The following AMBRA1 variants were observed in gnomAD, a reference collection of about 807,000 sequenced individuals.
AMBRA1 encodes the protein activating molecule in BECN1-regulated autophagy protein 1.
A neutral mutation model predicts 125.4 loss-of-function variants in AMBRA1; 47 were observed. That is an observed-to-expected ratio of 0.37 (90% CI 0.30 to 0.48). The LOEUF (loss-of-function observed/expected upper bound fraction) is 0.48, where lower values mean the gene tolerates loss of function less well. Ranked by LOEUF, AMBRA1 falls within the 20% of genes least tolerant of loss-of-function variation. AMBRA1 has a pLI of 0.99. For synonymous variants in AMBRA1, 626 were observed against 655.5 expected (o/e 0.95, Z 0.69); for missense variants, 1,331 against 1,693.4 (o/e 0.79, Z 3.76).
chr11:46,473,956 C>T (rs1489161242), intron 11 of AMBRA1, among the ~76,000 whole-genome samples: 3 of 152,170 alleles, frequency 2.0e-5, no homozygotes, highest in Non-Finnish European at 4.4e-5. Context: ...GGACAGGATC[C>T]TTTAAGGATT....
intron 11 of AMBRA1, among the ~76,000 whole-genome samples, chr11:46,472,109 A>G (rs1446347472): frequency 1.3e-5 from 2 of 152,246 alleles, no homozygotes; most frequent in East Asian, 3.8e-4. Flanking sequence ...CATTCAGCCT[A>G]TGAAAAGATT....
In AMBRA1 at chr11:46,473,422, C is replaced by T. The variant is rs144653135; in HGVS notation, c.2521+20186G>A. Among the ~76,000 whole-genome samples, 302 of 152,324 alleles carry T rather than the reference C, an allele frequency of 2.0e-3. 1 individual carries two copies. The highest frequency in any genetic ancestry group is 6.5e-3 in the African/African-American group (272 of 41,584). ...GAAAAGTAGAGAGGGTGATAACTTG[C>T]ATTTTTGTAACACATTTCTCTGATA... On this transcript the variant is annotated intron_variant, in intron 11 of 17. Coordinates refer to ENST00000683756, the MANE Select transcript of AMBRA1 (RefSeq NM_001387011.1).
intron 7 of AMBRA1, among the ~76,000 whole-genome samples, chr11:46,541,427 A>T (rs1250672507): frequency 6.6e-6 from 1 of 151,590 alleles, no homozygotes; most frequent in African/African-American, 2.4e-5. Context: ...ACATATATGT[A>T]TTTTTTTTTC....
chr11:46,485,583 T>A (rs969519691), intron 11 of AMBRA1, among the ~76,000 whole-genome samples: 3 of 152,168 alleles, frequency 2.0e-5, no homozygotes, highest in Non-Finnish European at 2.9e-5. Flanking sequence ...GAGGGCAGAA[T>A]CATTTAATTA....
intron 9 of AMBRA1, among the ~76,000 whole-genome samples, chr11:46,504,938 C>T (rs1267469351): frequency 6.6e-6 from 1 of 152,134 alleles, no homozygotes; most frequent in Non-Finnish European, 1.5e-5. Flanking sequence ...TAATGGCTCC[C>T]TTGGTTTTCT....
rs147493375 is a variant in AMBRA1, at chr11:46,523,697, G to A, written c.2073-10884C>T. The stretch of plus-strand genomic sequence containing the variant: ...CACAAACACCGCTTTACCCAGATGC[G>A]CTTTATTTAGAAAAATCAGAGACAA... On this transcript the variant is annotated intron_variant, in intron 7 of 17. Coordinates refer to ENST00000683756, the MANE Select transcript of AMBRA1 (RefSeq NM_001387011.1). Among the ~76,000 whole-genome samples the A allele has an allele frequency of 8.5e-5, 13 of 152,276 alleles. 1 individual carries two copies. Among genetic ancestry groups the A allele is most frequent in the African/African-American group, 2.9e-4 (12 of 41,546 alleles).
At chr11:46,585,695 A>ATAT (rs869244690) in intron 1 of AMBRA1, among the ~76,000 whole-genome samples, 2 of 22,914 alleles carry the variant, frequency 8.7e-5, no homozygotes, top group South Asian at 1.4e-3. Context: ...AAAAAAAAAA[A>ATAT]ATATATATAT....
chr11:46,516,423 C>CTTTTTTTTTT (rs1162985350), intron 7 of AMBRA1, among the ~76,000 whole-genome samples: 7 of 73,178 alleles, frequency 9.6e-5, no homozygotes, highest in Non-Finnish European at 1.6e-4. Flanking sequence ...AAAGATCTTT[C>CTTTTTTTTTT]TTTTTTTTTT....
At chr11:46,419,878 C>G (rs1321467736) in intron 14 of AMBRA1, among the ~76,000 whole-genome samples, 2 of 151,936 alleles carry the variant, frequency 1.3e-5, no homozygotes, top group Non-Finnish European at 2.9e-5. Flanking sequence ...TTATGCAAAC[C>G]AAGTGATAAG....
chr11:46,547,783 C>G, intron 3 of AMBRA1, 34 bp downstream of exon 3: 1 of 1,589,388 alleles, frequency 6.3e-7, no homozygotes, highest in Non-Finnish European at 8.6e-7. Context: ...GCACTGTTAT[C>G]ACAAATCTTA....
intron 17 of AMBRA1, among the ~76,000 whole-genome samples, chr11:46,407,089 G>A (rs1946058023): frequency 6.6e-6 from 1 of 152,156 alleles, no homozygotes; most frequent in Non-Finnish European, 1.5e-5. Context: ...TGAGGCAGGA[G>A]AATCACTTGA....
chr11:46,532,626 G>A (rs112915728), intron 7 of AMBRA1, among the ~76,000 whole-genome samples: 1,837 of 152,224 alleles, frequency 0.012, 43 homozygotes, highest in African/African-American at 0.042. Flanking sequence ...TAGCAGAGAT[G>A]GGGTTTCACC....
At position 46,411,765 on chromosome 11, in the gene AMBRA1, A is replaced by G. The variant is rs542160605; in HGVS notation, c.3117-1397T>C. ...ATTACAGGCATGAACCACTGCGCCC[A>G]GCCCAAATCTGTCTTTTTAATTTTT... On this transcript the variant is annotated intron_variant, in intron 15 of 17. Transcript: ENST00000683756. Among the ~76,000 whole-genome samples, 43 of 151,952 alleles carry G rather than the reference A, an allele frequency of 2.8e-4. 1 individual carries two copies. The South Asian group carries it at 8.5e-3, about 30-fold the overall frequency.
chr11:46,404,672 A>T (rs1945923257), intron 17 of AMBRA1, among the ~76,000 whole-genome samples: 1 of 152,178 alleles, frequency 6.6e-6, no homozygotes. Context: ...CGCTGACCAG[A>T]GCCTCAGCTT....
chr11:46,402,585 C>T (rs546588791), intron 17 of AMBRA1, among the ~76,000 whole-genome samples: 3 of 151,956 alleles, frequency 2.0e-5, no homozygotes, highest in Non-Finnish European at 4.4e-5. Flanking sequence ...AGGCTGGTCT[C>T]GAACTCCTGA....
At chr11:46,551,096 C>CAAAAA (rs57293525) in intron 1 of AMBRA1, among the ~76,000 whole-genome samples, 2 of 49,300 alleles carry the variant, frequency 4.1e-5, no homozygotes, top group Non-Finnish European at 4.6e-5. Context: ...GACTCCGCCT[C>CAAAAA]AAAAAAAAAA....
At chr11:46,514,576 C>T (rs1171361314) in intron 7 of AMBRA1, among the ~76,000 whole-genome samples, 5 of 152,316 alleles carry the variant, frequency 3.3e-5, no homozygotes, top group African/African-American at 1.2e-4. Context: ...ACACACTTTT[C>T]ACCTTTGAAT....
chr11:46,419,911 T>C (rs1946761518), intron 14 of AMBRA1, among the ~76,000 whole-genome samples: 1 of 151,580 alleles, frequency 6.6e-6, no homozygotes, highest in Non-Finnish European at 1.5e-5. Flanking sequence ...TGAGAACACA[T>C]GTTCATGTGC....
chr11:46,553,963 T>A (rs2043093448), intron 1 of AMBRA1, among the ~76,000 whole-genome samples: 1 of 152,104 alleles, frequency 6.6e-6, no homozygotes, highest in Non-Finnish European at 1.5e-5. Flanking sequence ...AAGGAAATCA[T>A]CTCCTTAGTA....
Sources: allele counts gnomAD v4.1 joint callset (sites outside exome capture counted in the v4.1 genomes callset), GRCh38; gene constraint gnomAD v4.1.1; transcripts MANE v1.5; gene names NCBI Gene and HGNC (gene_info 2026-07-23, HGNC 2026-07-21).